Variants in FANCD2 observed in about 807,000 individuals in gnomAD.
FANCD2 encodes the protein Fanconi anemia group D2 protein.
FANCD2 carries 131 observed loss-of-function variants against 192.3 expected under a neutral mutation model. That is an observed-to-expected ratio of 0.68 (90% CI 0.59 to 0.79). The LOEUF (loss-of-function observed/expected upper bound fraction) is 0.79, where lower values mean the gene tolerates loss of function less well. FANCD2 is among the 30% of genes least tolerant of loss of function. The pLI, the probability that FANCD2 is intolerant of heterozygous loss-of-function variation, is 0.00. For synonymous variants in FANCD2, 524 were observed against 612.5 expected (o/e 0.86, Z 2.13); for missense variants, 1,508 against 1,701.6 (o/e 0.89, Z 2.00).
chr3:10,088,797 T>G, intron 35 of FANCD2, 31 bp from the exon 36 acceptor site: 4 of 1,612,394 alleles, frequency 2.5e-6, no homozygotes, highest in Non-Finnish European at 2.5e-6. Flanking sequence ...CTTTGTTAAT[T>G]AGTGGGTCAA....
chr3:10,096,942 A>G (rs12152341), intron 42 of FANCD2, among the ~76,000 whole-genome samples: 36,742 of 152,052 alleles, frequency 0.24, 5,929 homozygotes, highest in African/African-American at 0.46. Context: ...CCTAAGTGTC[A>G]GCTGGCTTGA....
intron 3 of FANCD2, among the ~76,000 whole-genome samples, chr3:10,033,767 C>A (rs1354283553): frequency 1.2e-5 from 1 of 86,644 alleles, no homozygotes; most frequent in Non-Finnish European, 2.1e-5. Flanking sequence ...GTGGCGCGAT[C>A]TCTGCTCACT....
At chr3:10,089,010 C>T (rs890502012) in intron 36 of FANCD2, 60 bp downstream of exon 36, 18 of 1,582,208 alleles carry the variant, frequency 1.1e-5, no homozygotes, top group African/African-American at 2.7e-5. Flanking sequence ...AGGCTGGGCA[C>T]GGTGGCACAC....
rs1217467299 is a variant in FANCD2, at chr3:10,093,297, C to T, written c.3862C>T (p.His1288Tyr). ...TTCACCTCTCCAGGTATTTGATAGTCATCCTGTTCTGCATGTATGTTTGAA... is the reference window on the plus strand; with the variant it reads ...TTCACCTCTCCAGGTATTTGATAGTTATCCTGTTCTGCATGTATGTTTGAA... ...LINLIKVFDS[H>Y]PVLHVCLKYG... is the part of the protein sequence containing the mutation. Residue 1288 changes from histidine (H) to tyrosine (Y), a missense_variant, in exon 39 of 44, where the codon CAT (histidine) becomes TAT (tyrosine). Transcript: ENST00000675286. 7 of 1,613,312 alleles carry T rather than the reference C, an allele frequency of 4.3e-6. No individual in the cohort carries two copies. Among genetic ancestry groups the T allele is most frequent in the African/African-American group, 1.3e-5 (1 of 74,918 alleles).
intron 14 of FANCD2, among the ~76,000 whole-genome samples, chr3:10,045,295 A>G (rs2086972925): frequency 6.6e-6 from 1 of 151,690 alleles, no homozygotes; most frequent in Non-Finnish European, 1.5e-5. Flanking sequence ...CAGCCTCCCA[A>G]GTAGCTGGGA....
chr3:10,098,802 G>A lies in FANCD2; in HGVS notation c.4268G>A (p.Ser1423Asn). The A allele has an allele frequency of 6.2e-7, 1 of 1,614,184 alleles. No individual in the cohort carries two copies. Among genetic ancestry groups the A allele is most frequent in the Non-Finnish European group, 8.5e-7 (1 of 1,180,028 alleles). The stretch of plus-strand genomic sequence containing the variant: ...GACATGTCATCCCAGGCCTCCAAGA[G>A]CAAAGCCACTGAGGTATCTCTACAA... ...EDDMSSQASK[S>N]KATEDGEEDE... is the part of the protein sequence containing the mutation. Residue 1423 changes from serine to asparagine, a missense_variant, in exon 43 of 44, where the codon AGC becomes AAC. Ser to Asn is a conservative substitution (Grantham distance 46, BLOSUM62 1). Transcript: ENST00000675286.
At chr3:10,043,222 T>A in intron 12 of FANCD2, 72 bp downstream of exon 12, 2 of 1,075,392 alleles carry the variant, frequency 1.9e-6, no homozygotes, top group Non-Finnish European at 2.9e-6. Context: ...AGCTTAATAC[T>A]ACTACAAATA....
intron 26 of FANCD2, among the ~76,000 whole-genome samples, chr3:10,071,394 T>A (rs564547673): frequency 6.6e-6 from 1 of 151,324 alleles, no homozygotes; most frequent in Non-Finnish European, 1.5e-5. Context: ...TGCACTCCCA[T>A]GTTTATTGCA....
chr3:10,077,429 C>T (rs186715825), intron 29 of FANCD2, among the ~76,000 whole-genome samples: 2 of 152,174 alleles, frequency 1.3e-5, no homozygotes, highest in Admixed American at 6.6e-5. Flanking sequence ...GTGGTGGGCA[C>T]CTGTAATGCC....
chr3:10,095,114 T>C, intron 40 of FANCD2, 86 bp from the exon 41 acceptor site: 1 of 1,162,194 alleles, frequency 8.6e-7, no homozygotes, highest in Non-Finnish European at 1.3e-6. Context: ...GTTTATCCTC[T>C]TTGGAGCTTT....
At chr3:10,034,415 AGAAG>A in intron 3 of FANCD2, 50 bp from the exon 4 acceptor site, 1 of 1,280,806 alleles carries the variant, frequency 7.8e-7, no homozygotes, top group Non-Finnish European at 1.1e-6. Context: ...GGGTTTTTAG[AGAAG>A]GAAAACTATG....
rs2087813192 is a variant in FANCD2 at position 10,069,476 on chromosome 3, TCCCCCTCC to T, written c.2494+2163_2494+2170del. On this transcript the variant is annotated intron_variant, in intron 26 of 43. Coordinates refer to ENST00000675286, the MANE Select transcript of FANCD2 (RefSeq NM_001018115.3). ...GTTAAGATGCCTCTCCCCCTCCCCC[TCCCCCTCC>T]CCCTCTCCCGTCTCCCTCTGATGCC... Among the ~76,000 whole-genome samples the T allele has an allele frequency of 1.8e-4, 10 of 54,344 alleles. No homozygotes were observed. In the South Asian group the frequency reaches 2.4e-3, roughly 13 times the overall value. The allele number at this position is 54,344 out of a possible 152,430, so 35.7% of individuals were successfully genotyped here. A position where few individuals can be genotyped will look rare whatever the true frequency, so the allele number is the denominator to read the frequency against.
intron 3 of FANCD2, among the ~76,000 whole-genome samples, chr3:10,034,184 C>CA (rs912403847): frequency 2.4e-4 from 35 of 144,060 alleles, no homozygotes; most frequent in East Asian, 1.2e-3. Context: ...CGAAACAAAA[C>CA]AAAAAAAAAC....
At chr3:10,069,678 G>C (rs1226120383) in intron 26 of FANCD2, among the ~76,000 whole-genome samples, 1 of 152,082 alleles carries the variant, frequency 6.6e-6, no homozygotes, top group Non-Finnish European at 1.5e-5. Context: ...TGGCCGGGCC[G>C]GTCTCCAGCT....
chr3:10,087,322 A>T (rs2125073560), intron 34 of FANCD2, 58 bp downstream of exon 34: 5 of 1,500,970 alleles, frequency 3.3e-6, no homozygotes, highest in Admixed American at 2.0e-5. Flanking sequence ...CTAATATCTC[A>T]CACTTACAAA....
intron 9 of FANCD2, chr3:10,041,379 G>A: frequency 2.3e-6 from 1 of 435,260 alleles, no homozygotes; most frequent in South Asian, 2.2e-5. Context: ...GGTGTTCTCT[G>A]GGTAGTGGGG....
At chr3:10,069,973 TGAG>T (rs922214857) in intron 26 of FANCD2, among the ~76,000 whole-genome samples, 3 of 147,196 alleles carry the variant, frequency 2.0e-5, no homozygotes, top group African/African-American at 7.7e-5. Flanking sequence ...GTCTGGAAAG[TGAG>T]GAGCGTCTCT....
intron 2 of FANCD2, among the ~76,000 whole-genome samples, chr3:10,031,275 G>A (rs923656869): frequency 1.3e-5 from 2 of 152,090 alleles, no homozygotes; most frequent in Non-Finnish European, 2.9e-5. Flanking sequence ...TGGCCAAGGC[G>A]GGCAGATCAC....
rs1369386916 is a variant in FANCD2 at position 10,081,092 on chromosome 3, T to G, written c.2977-8T>G. On this transcript the variant is annotated splice_region_variant and splice_polypyrimidine_tract_variant and intron_variant, in intron 30 of 43. Coordinates refer to ENST00000675286, the MANE Select transcript of FANCD2 (RefSeq NM_001018115.3). ...GTTTCTTCACTCATAACTCTGCATT[T>G]ATTATAGAACAAAGGAAGCCGGAAT... The G allele has an allele frequency of 5.0e-6, 8 of 1,613,990 alleles. No individual in the cohort carries two copies. The African/African-American group carries it at 1.1e-4, about 22-fold the overall frequency.
Sources: allele counts gnomAD v4.1 joint callset (sites outside exome capture counted in the v4.1 genomes callset), GRCh38; gene constraint gnomAD v4.1.1; transcripts MANE v1.5; gene names NCBI Gene and HGNC (gene_info 2026-07-23, HGNC 2026-07-21).